The following RNGTT variants were observed in gnomAD, a reference collection of about 807,000 sequenced individuals.
The protein encoded by RNGTT is mRNA-capping enzyme.
RNGTT carries 33 observed loss-of-function variants against 79.3 expected under a neutral mutation model. The ratio of observed to expected loss-of-function variants is 0.42; its 90% CI spans 0.32 to 0.56. RNGTT has a LOEUF of 0.56. Ranked by LOEUF, RNGTT falls within the 20% of genes least tolerant of loss-of-function variation. The pLI is 0.17. For synonymous variants in RNGTT, 222 were observed against 235.9 expected (o/e 0.94, Z 0.54); for missense variants, 497 against 739.1 (o/e 0.67, Z 3.80).
chr6:88,654,665 GTTC>G (rs1773912028), intron 14 of RNGTT, among the ~76,000 whole-genome samples: 1 of 152,012 alleles, frequency 6.6e-6, no homozygotes, highest in Non-Finnish European at 1.5e-5. Context: ...GTAATCATGA[GTTC>G]AGGGACAGGT....
chr6:88,614,112 C>G (rs1772131739), intron 15 of RNGTT, among the ~76,000 whole-genome samples, 160 bp downstream of exon 15: 2 of 152,180 alleles, frequency 1.3e-5, no homozygotes, highest in South Asian at 2.1e-4. Flanking sequence ...CCAACTGGAG[C>G]CAAACAGAAT....
At chr6:88,665,197 T>C (rs1386025964) in intron 14 of RNGTT, among the ~76,000 whole-genome samples, 1 of 152,052 alleles carries the variant, frequency 6.6e-6, no homozygotes, top group African/African-American at 2.4e-5. Context: ...GGCAAAGAGA[T>C]AGGGCCAGCT....
intron 13 of RNGTT, among the ~76,000 whole-genome samples, chr6:88,733,423 A>AT (rs1777180890): frequency 1.3e-5 from 2 of 152,050 alleles, no homozygotes; most frequent in South Asian, 4.2e-4. Context: ...AGCAAAAAAA[A>AT]GAATAGCATA....
At chr6:88,646,663 A>G (rs1452088880) in intron 14 of RNGTT, among the ~76,000 whole-genome samples, 1 of 152,238 alleles carries the variant, frequency 6.6e-6, no homozygotes, top group Non-Finnish European at 1.5e-5. Context: ...CTATGCAGCC[A>G]TAAAAAATGA....
intron 1 of RNGTT, among the ~76,000 whole-genome samples, chr6:88,945,134 T>C (rs1417961236): frequency 6.6e-6 from 1 of 152,200 alleles, no homozygotes; most frequent in East Asian, 1.9e-4. Context: ...TCACTTCTGA[T>C]CATTCCTTTT....
At chr6:88,915,938 A>C (rs757337546) in intron 4 of RNGTT, among the ~76,000 whole-genome samples, 2 of 152,212 alleles carry the variant, frequency 1.3e-5, no homozygotes, top group Admixed American at 6.5e-5. Flanking sequence ...AAGATAACAC[A>C]GTATTTTTTA....
intron 14 of RNGTT, among the ~76,000 whole-genome samples, chr6:88,623,921 TA>T (rs1466702955): frequency 1.3e-5 from 2 of 151,968 alleles, no homozygotes; most frequent in Non-Finnish European, 2.9e-5. Context: ...ATAAGAATAC[TA>T]AAACCAATTG....
intron 11 of RNGTT, among the ~76,000 whole-genome samples, chr6:88,815,870 C>G (rs1780298341): frequency 6.6e-6 from 1 of 152,206 alleles, no homozygotes; most frequent in Admixed American, 6.5e-5. Context: ...TAAACATGTT[C>G]TGCAGCCTAA....
chr6:88,642,522 ATG>A, intron 14 of RNGTT, among the ~76,000 whole-genome samples: 1 of 152,334 alleles, frequency 6.6e-6, no homozygotes, highest in Admixed American at 6.5e-5. Context: ...CTTCTTTAAA[ATG>A]CACTCTTGCA....
At chr6:88,951,400 A>G (rs965904552) in intron 1 of RNGTT, among the ~76,000 whole-genome samples, 17 of 152,170 alleles carry the variant, frequency 1.1e-4, no homozygotes. Flanking sequence ...ACCCCTGAAG[A>G]AAGTTCTACC....
intron 13 of RNGTT, among the ~76,000 whole-genome samples, chr6:88,735,037 T>C (rs1490860547): frequency 1.3e-5 from 2 of 152,168 alleles, no homozygotes; most frequent in African/African-American, 4.8e-5. Context: ...TCTGTATTTA[T>C]TAATTTCAAA....
intron 13 of RNGTT, among the ~76,000 whole-genome samples, chr6:88,681,174 T>C (rs1775080069): frequency 6.6e-6 from 1 of 152,162 alleles, no homozygotes; most frequent in Non-Finnish European, 1.5e-5. Flanking sequence ...AAATAGATGC[T>C]AGAAAAGGAA....
chr6:88,913,209 A>AC, intron 4 of RNGTT, among the ~76,000 whole-genome samples: 1 of 133,420 alleles, frequency 7.5e-6, no homozygotes, highest in East Asian at 2.0e-4. Flanking sequence ...TGTCTCAAAA[A>AC]AAAACAAAAA....
At chr6:88,848,556 A>G (rs1781563704) in intron 10 of RNGTT, among the ~76,000 whole-genome samples, 2 of 152,232 alleles carry the variant, frequency 1.3e-5, no homozygotes, top group African/African-American at 2.4e-5. Flanking sequence ...TAGACATATT[A>G]GTACAAATAA....
At chr6:88,852,722 T>TA (rs756181678) in intron 9 of RNGTT, among the ~76,000 whole-genome samples, 1 of 152,202 alleles carries the variant, frequency 6.6e-6, no homozygotes, top group African/African-American at 2.4e-5. Context: ...CAAACTTGCC[T>TA]AATTACAATC....
At chr6:88,768,570 T>A (rs1226447788) in intron 13 of RNGTT, among the ~76,000 whole-genome samples, 1 of 152,214 alleles carries the variant, frequency 6.6e-6, no homozygotes, top group Non-Finnish European at 1.5e-5. Flanking sequence ...ACTCCATATA[T>A]CCCCTGTTCC....
intron 6 of RNGTT, 130 bp from the exon 7 acceptor site, chr6:88,892,045 C>A: frequency 3.3e-6 from 2 of 606,522 alleles, no homozygotes; most frequent in South Asian, 5.4e-5. Flanking sequence ...ATATATCTAA[C>A]AGAAACGGTC....
rs186431270 is a variant in RNGTT, at chr6:88,649,129, C to A, written c.1506+29224G>T. Among the ~76,000 whole-genome samples the A allele has an allele frequency of 2.6e-5, 4 of 152,260 alleles. No homozygotes were observed. In the East Asian group the frequency reaches 7.7e-4, roughly 29 times the overall value. ...AAAGTCACAGTTTCCAAGAACCTAT[C>A]ATCGATGTTAAGTGAGGACTTACTG... On this transcript the variant is annotated intron_variant, in intron 14 of 15. Coordinates refer to ENST00000369485, the MANE Select transcript of RNGTT (RefSeq NM_003800.5).
intron 12 of RNGTT, among the ~76,000 whole-genome samples, chr6:88,771,554 A>T (rs1778684541): frequency 6.6e-6 from 1 of 151,854 alleles, no homozygotes; most frequent in Non-Finnish European, 1.5e-5. Flanking sequence ...TACATTTTAA[A>T]ATCAGCTTGC....
Sources: allele counts gnomAD v4.1 joint callset (sites outside exome capture counted in the v4.1 genomes callset), GRCh38; gene constraint gnomAD v4.1.1; transcripts MANE v1.5; gene names NCBI Gene and HGNC (gene_info 2026-07-23, HGNC 2026-07-21).